ADCK1: variants seen among roughly 807,000 people sequenced by gnomAD.
ADCK1 encodes aarF domain containing kinase 1.
A neutral mutation model predicts 52.3 loss-of-function variants in ADCK1; 41 were observed. The observed-to-expected ratio is 0.78, with a 90% CI of 0.61 to 1.02. The LOEUF (loss-of-function observed/expected upper bound fraction) is 1.02, where lower values mean the gene tolerates loss of function less well. ADCK1 is among the 50% of genes least tolerant of loss of function. The pLI, the probability that ADCK1 is intolerant of heterozygous loss-of-function variation, is 0.00. For synonymous variants in ADCK1, 250 were observed against 274.6 expected (o/e 0.91, Z 0.89); for missense variants, 658 against 679.5 (o/e 0.97, Z 0.35).
chr14:77,884,755 A>C (rs1415791398), intron 4 of ADCK1, among the ~76,000 whole-genome samples: 1 of 152,228 alleles, frequency 6.6e-6, no homozygotes, highest in East Asian at 1.9e-4. Flanking sequence ...GGTTCAACTG[A>C]GAAAAACATC....
chr14:77,800,371 T>C (rs2081082945), intron 1 of ADCK1, among the ~76,000 whole-genome samples: 1 of 152,242 alleles, frequency 6.6e-6, no homozygotes, highest in Admixed American at 6.5e-5. Context: ...GCCACGTGGC[T>C]CGGGTGACTC....
At chr14:77,875,859 T>C (rs545327414) in intron 4 of ADCK1, among the ~76,000 whole-genome samples, 1 of 152,318 alleles carries the variant, frequency 6.6e-6, no homozygotes, top group Non-Finnish European at 1.5e-5. Context: ...ATGGCAGAAC[T>C]AGGAAGCTGT....
chr14:77,822,611 A>G, intron 3 of ADCK1, 93 bp downstream of exon 3: 1 of 1,103,562 alleles, frequency 9.1e-7, no homozygotes, highest in Non-Finnish European at 1.4e-6. Flanking sequence ...CACCCCCGCA[A>G]AGTGCTGGGA....
At chr14:77,803,400 A>T (rs1367895338) in intron 1 of ADCK1, among the ~76,000 whole-genome samples, 1 of 152,104 alleles carries the variant, frequency 6.6e-6, no homozygotes, top group Non-Finnish European at 1.5e-5. Context: ...CTGCCAATGG[A>T]TGGAAACTGA....
Position 77,899,144 on chromosome 14 carries a change from T to A in ADCK1, c.627T>A (p.Phe209Leu). The change falls in exon 6 of 11, where the codon TTT becomes TTA. Residue 209 changes from phenylalanine to leucine, a missense_variant. Phe to Leu is a conservative substitution (Grantham distance 22). Transcript: ENST00000238561. ...AGCAGCTGTTCCCAGAGTTTGAGTTTATGTGGCTTGTGGATGAAGCCAAGA... is the reference window on the plus strand; with the variant it reads ...AGCAGCTGTTCCCAGAGTTTGAGTTAATGTGGCTTGTGGATGAAGCCAAGA... Reference protein sequence around the residue: ...AVKQLFPEFEFMWLVDEAKKN... With the variant: ...AVKQLFPEFELMWLVDEAKKN... 6.2e-7 allele frequency: 1 copy of A among 1,614,170 alleles called. No homozygotes were observed. Among genetic ancestry groups the A allele is most frequent in the Non-Finnish European group, 8.5e-7 (1 of 1,180,018 alleles).
chr14:77,842,449 TTCCTTCCTTCCTTCCTTCC>T (rs1337496219), intron 3 of ADCK1, among the ~76,000 whole-genome samples: 44 of 41,178 alleles, frequency 1.1e-3, no homozygotes, highest in South Asian at 7.4e-3. Context: ...GTATTTTTTT[TTCCTTCCTTCCTTCCTTCC>T]TTCCTTCCTT....
chr14:77,901,176 C>G (rs1019595007), intron 6 of ADCK1, among the ~76,000 whole-genome samples: 1 of 151,548 alleles, frequency 6.6e-6, no homozygotes, highest in Non-Finnish European at 1.5e-5. Context: ...TCCCAAGTAG[C>G]TGGGATCATA....
intron 3 of ADCK1, among the ~76,000 whole-genome samples, chr14:77,848,783 A>G (rs2082222904): frequency 6.6e-6 from 1 of 150,806 alleles, no homozygotes; most frequent in Non-Finnish European, 1.5e-5. Context: ...ATTTTTTTTG[A>G]GAGAGTGTCT....
At chr14:77,879,165 C>T (rs1298870448) in intron 4 of ADCK1, among the ~76,000 whole-genome samples, 1 of 152,150 alleles carries the variant, frequency 6.6e-6, no homozygotes, top group Non-Finnish European at 1.5e-5. Flanking sequence ...AAGGTTCCCT[C>T]TCCCTGATGA....
chr14:77,929,525 C>T (rs182522338), intron 9 of ADCK1, among the ~76,000 whole-genome samples: 79 of 152,330 alleles, frequency 5.2e-4, no homozygotes, highest in South Asian at 1.7e-3. Flanking sequence ...ACGCAGGTCA[C>T]GTGTCCATGC....
intron 4 of ADCK1, among the ~76,000 whole-genome samples, chr14:77,863,453 C>T (rs994920865): frequency 4.0e-5 from 6 of 151,668 alleles, no homozygotes; most frequent in African/African-American, 1.5e-4. Flanking sequence ...TGGTCATGCA[C>T]ACACATACAC....
In ADCK1 at chr14:77,887,170, A is replaced by C. The variant is rs750459181; in HGVS notation, c.503A>C (p.His168Pro). Residue 168 changes from histidine to proline, a missense_variant, in exon 5 of 11, where the codon CAT becomes CCT. His to Pro is a moderately conservative substitution (Grantham distance 77, BLOSUM62 -2). Coordinates refer to ENST00000238561, the MANE Select transcript of ADCK1 (RefSeq NM_020421.4). The stretch of plus-strand genomic sequence containing the variant: ...GCCCAGGTCCACAAGGCAGTGCTGC[A>C]TGATGGGCGGACGGTGGCCGTGAAG... ...SLAQVHKAVL[H>P]DGRTVAVKVQ... 1 of 1,610,830 alleles carries C rather than the reference A, an allele frequency of 6.2e-7. No homozygotes were observed. The highest frequency in any genetic ancestry group is 8.5e-7 in the Non-Finnish European group (1 of 1,178,526).
intron 4 of ADCK1, among the ~76,000 whole-genome samples, chr14:77,880,443 A>G (rs2140189416): frequency 6.6e-6 from 1 of 152,340 alleles, no homozygotes; most frequent in South Asian, 2.1e-4. Flanking sequence ...ATCTTTTGGA[A>G]CCCCAGAAAG....
chr14:77,863,640 C>A (rs2082599774), intron 4 of ADCK1, among the ~76,000 whole-genome samples: 4 of 152,166 alleles, frequency 2.6e-5, no homozygotes, highest in African/African-American at 9.6e-5. Context: ...AGTTCGAGAC[C>A]AGCCTGGCCA....
chr14:77,897,886 G>C (rs924064899), intron 5 of ADCK1, among the ~76,000 whole-genome samples: 7 of 152,188 alleles, frequency 4.6e-5, no homozygotes, highest in African/African-American at 1.7e-4. Context: ...CAGAGCAAGG[G>C]CTGTAGAGTT....
intron 5 of ADCK1, among the ~76,000 whole-genome samples, chr14:77,897,106 G>A (rs181606779): frequency 0.028 from 4,335 of 152,256 alleles, 103 homozygotes; most frequent in African/African-American, 0.052. Flanking sequence ...ATGGGAAGGG[G>A]AAGGTCTTTT....
chr14:77,916,242 T>G (rs1409255873), intron 7 of ADCK1, among the ~76,000 whole-genome samples: 2 of 152,070 alleles, frequency 1.3e-5, no homozygotes, highest in Non-Finnish European at 2.9e-5. Context: ...CCCTCCCACC[T>G]GCTCTGGTAT....
intron 5 of ADCK1, among the ~76,000 whole-genome samples, chr14:77,892,975 C>G (rs935013078): frequency 6.6e-6 from 1 of 152,122 alleles, no homozygotes; most frequent in Non-Finnish European, 1.5e-5. Context: ...CTAGGATAGA[C>G]TGTTGAAGGA....
At chr14:77,821,565 T>G (rs2081582650) in intron 2 of ADCK1, among the ~76,000 whole-genome samples, 1 of 152,006 alleles carries the variant, frequency 6.6e-6, no homozygotes, top group Non-Finnish European at 1.5e-5. Context: ...TCACTCTGGA[T>G]AAGGGAACAC....
Sources: allele counts gnomAD v4.1 joint callset (sites outside exome capture counted in the v4.1 genomes callset), GRCh38; gene constraint gnomAD v4.1.1; transcripts MANE v1.5; gene names NCBI Gene and HGNC (gene_info 2026-07-23, HGNC 2026-07-21).